The following GALNT13 variants were observed in gnomAD, a reference collection of about 807,000 sequenced individuals.
GALNT13 encodes UDP-GalNAc:polypeptide N-acetylgalactosaminyltransferase 13.
A neutral mutation model predicts 64.2 loss-of-function variants in GALNT13; 28 were observed. The ratio of observed to expected loss-of-function variants is 0.44; its 90% CI spans 0.32 to 0.60. The LOEUF is 0.60. Among genes scored for constraint, GALNT13 ranks in the 20% least tolerant of loss-of-function variants. GALNT13 has a pLI of 0.05. For synonymous variants in GALNT13, 214 were observed against 224.6 expected, an observed-to-expected ratio of 0.95 and a Z score of 0.42; for missense variants, 577 against 669.8, an observed-to-expected ratio of 0.86 and a Z score of 1.53.
chr2:153,981,764 G>A (rs1027322401), intron 3 of GALNT13, among the ~76,000 whole-genome samples: 1 of 152,048 alleles, frequency 6.6e-6, no homozygotes, highest in African/African-American at 2.4e-5. Flanking sequence ...AATTCATTGA[G>A]CCAGGTTATC....
the GALNT13 span, among the ~76,000 whole-genome samples, chr2:153,779,292 AT>A: frequency 6.6e-6 from 1 of 152,174 alleles, no homozygotes; most frequent in African/African-American, 2.4e-5. Flanking sequence ...CTAGTAAGTA[AT>A]TAAAGTGTGG....
the GALNT13 span, among the ~76,000 whole-genome samples, chr2:153,748,020 T>A: frequency 6.6e-6 from 1 of 152,188 alleles, no homozygotes; most frequent in East Asian, 1.9e-4. Context: ...TCCTTTCTTT[T>A]GGGTATATGC....
chr2:154,206,054 G>A (rs1264885218), intron 4 of GALNT13, among the ~76,000 whole-genome samples: 1 of 151,980 alleles, frequency 6.6e-6, no homozygotes, highest in Non-Finnish European at 1.5e-5. Context: ...TGGGAGTGCA[G>A]TGGTGCGATC....
intron 4 of GALNT13, among the ~76,000 whole-genome samples, chr2:154,145,710 T>C (rs972516020): frequency 6.6e-6 from 1 of 152,122 alleles, no homozygotes; most frequent in East Asian, 1.9e-4. Flanking sequence ...AGAGGAGCTG[T>C]AGCATACAAA....
At chr2:153,205,359 C>T in the GALNT13 span, among the ~76,000 whole-genome samples, 4 of 151,722 alleles carry the variant, frequency 2.6e-5, no homozygotes, top group East Asian at 1.9e-4. Flanking sequence ...ATGTCACTTC[C>T]GTCTTCTCAA....
At chr2:153,284,041 A>C in the GALNT13 span, among the ~76,000 whole-genome samples, 1 of 152,190 alleles carries the variant, frequency 6.6e-6, no homozygotes, top group Non-Finnish European at 1.5e-5. Context: ...TGGAGCTGAG[A>C]GTGCTCTGAT....
At chr2:153,635,451 T>C in the GALNT13 span, among the ~76,000 whole-genome samples, 1 of 148,618 alleles carries the variant, frequency 6.7e-6, no homozygotes, top group East Asian at 1.9e-4. Context: ...CACACATATA[T>C]ATGTATATGT....
chr2:153,616,096 A>G, the GALNT13 span, among the ~76,000 whole-genome samples: 1 of 151,792 alleles, frequency 6.6e-6, no homozygotes, highest in Non-Finnish European at 1.5e-5. Context: ...AATCCATTTT[A>G]ATTAGATTTT....
At chr2:153,734,998 A>G in the GALNT13 span, among the ~76,000 whole-genome samples, 1 of 152,084 alleles carries the variant, frequency 6.6e-6, no homozygotes, top group Non-Finnish European at 1.5e-5. Flanking sequence ...CAACTCCTTC[A>G]ACACCTGTAG....
the GALNT13 span, among the ~76,000 whole-genome samples, chr2:153,616,315 C>T: frequency 4.2e-3 from 642 of 151,964 alleles, 3 homozygotes; most frequent in Middle Eastern, 0.01. Context: ...CCACTACCCG[C>T]TATTTTGGTT....
chr2:154,314,824 T>C (rs141414754), intron 9 of GALNT13, among the ~76,000 whole-genome samples: 1 of 152,302 alleles, frequency 6.6e-6, no homozygotes, highest in African/African-American at 2.4e-5. Context: ...TTGGGGATCA[T>C]ATTTCAGTAT....
the GALNT13 span, among the ~76,000 whole-genome samples, chr2:153,520,860 A>C: frequency 6.6e-6 from 1 of 152,158 alleles, no homozygotes; most frequent in Non-Finnish European, 1.5e-5. Context: ...AACAGAAGAG[A>C]CCATGAGATA....
At chr2:154,441,255 G>A (rs745384618) in intron 12 of GALNT13, among the ~76,000 whole-genome samples, 1 of 152,150 alleles carries the variant, frequency 6.6e-6, no homozygotes, top group Non-Finnish European at 1.5e-5. Flanking sequence ...GGGGAGCAGA[G>A]AGAGGGAAAG....
At chr2:154,376,551 A>G (rs566147638) in intron 9 of GALNT13, among the ~76,000 whole-genome samples, 2 of 152,278 alleles carry the variant, frequency 1.3e-5, no homozygotes, top group South Asian at 4.1e-4. Context: ...ACAACATTTT[A>G]GTGTCTGAGT....
chr2:153,735,645 G>T, the GALNT13 span, among the ~76,000 whole-genome samples: 1 of 151,844 alleles, frequency 6.6e-6, no homozygotes, highest in Non-Finnish European at 1.5e-5. Context: ...GCCACATTCC[G>T]TTGTCATATT....
At chr2:153,545,293 C>T in the GALNT13 span, among the ~76,000 whole-genome samples, 424 of 152,238 alleles carry the variant, frequency 2.8e-3, 1 homozygote, top group Admixed American at 3.9e-3. Context: ...ATTTTACTTC[C>T]GTGTTCTCCA....
the GALNT13 span, among the ~76,000 whole-genome samples, chr2:153,210,710 A>G: frequency 9.9e-5 from 15 of 152,230 alleles, no homozygotes; most frequent in Non-Finnish European, 1.9e-4. Flanking sequence ...GGTTGTGTCT[A>G]CATACAGCTA....
At chr2:153,089,801 T>G in the GALNT13 span, among the ~76,000 whole-genome samples, 4 of 152,266 alleles carry the variant, frequency 2.6e-5, no homozygotes, top group South Asian at 2.1e-4. Flanking sequence ...TTTTTCTTTG[T>G]GATACCTATT....
chr2:154,005,147 G>T (rs1170360714), intron 3 of GALNT13, among the ~76,000 whole-genome samples: 8 of 152,028 alleles, frequency 5.3e-5, no homozygotes, highest in African/African-American at 1.9e-4. Flanking sequence ...TCAGCTAATT[G>T]AATGTAAAAT....
Sources: allele counts gnomAD v4.1 joint callset (sites outside exome capture counted in the v4.1 genomes callset), GRCh38; gene constraint gnomAD v4.1.1; transcripts MANE v1.5; gene names NCBI Gene and HGNC (gene_info 2026-07-23, HGNC 2026-07-21).